The following MFN1 variants were observed in gnomAD, a reference collection of about 807,000 sequenced individuals.
MFN1 encodes mitofusin-1.
MFN1 carries 65 observed loss-of-function variants against 92.4 expected under a neutral mutation model. The ratio of observed to expected loss-of-function variants is 0.70; its 90% CI spans 0.58 to 0.86. The LOEUF (loss-of-function observed/expected upper bound fraction) is 0.86, where lower values mean the gene tolerates loss of function less well. Ranked by LOEUF, MFN1 falls within the 40% of genes least tolerant of loss-of-function variation. The probability of loss-of-function intolerance (pLI) is 0.00; values close to 1 mark genes in which losing one functional copy is unlikely to be tolerated. For missense variants in MFN1, 781 were observed against 868.0 expected (o/e 0.90, Z 1.26); for synonymous variants, 297 against 300.9 (o/e 0.99, Z 0.13).
rs1388069675 is a variant in MFN1 at position 179,352,436 on chromosome 3, ACT to A, written c.248+402_248+403del. Among the ~76,000 whole-genome samples, 41 of 152,358 alleles carry A rather than the reference ACT, an allele frequency of 2.7e-4. No individual in the cohort carries two copies. In the South Asian group the frequency reaches 8.5e-3, roughly 32 times the overall value. ...AGGAAAGAGGCTCTTGTCTGAGATA[ACT>A]ATTTCCAAGGACTTTCTAGAAATTC... On this transcript the variant is annotated intron_variant, in intron 3 of 17. Transcript: ENST00000471841.
intron 11 of MFN1, 73 bp from the exon 12 acceptor site, chr3:179,377,271 T>C: frequency 6.6e-7 from 1 of 1,524,516 alleles, no homozygotes; most frequent in Non-Finnish European, 8.9e-7. Flanking sequence ...TTTTCAGATT[T>C]TTCAATTTAA....
At chr3:179,380,079 A>G (rs1272193443) in intron 14 of MFN1, among the ~76,000 whole-genome samples, 1 of 152,228 alleles carries the variant, frequency 6.6e-6, no homozygotes, top group Non-Finnish European at 1.5e-5. Flanking sequence ...AACTGTGAGT[A>G]TTCAATAGGC....
At position 179,365,235 on chromosome 3, in the gene MFN1, T is replaced by TG; in HGVS notation, c.753+10_753+11insG. The TG allele has an allele frequency of 6.7e-7, 1 of 1,481,684 alleles. No homozygotes were observed. Among genetic ancestry groups the TG allele is most frequent in the Non-Finnish European group, 9.0e-7 (1 of 1,106,458 alleles). 91.8% of individuals were successfully genotyped at this position (1,481,684 alleles called of 1,614,324 possible). Reference sequence around the variant, plus strand: ...AGAATATATGGAAGACGTAAGTTGTTATTTTTTTTTTTGTAGGTTTTGAAA... The same window carrying TG: ...AGAATATATGGAAGACGTAAGTTGTTGATTTTTTTTTTTGTAGGTTTTGAAA... On this transcript the variant is annotated intron_variant, in intron 7 of 17. Coordinates refer to ENST00000471841, the MANE Select transcript of MFN1 (RefSeq NM_033540.3).
intron 3 of MFN1, among the ~76,000 whole-genome samples, chr3:179,353,959 C>T (rs1269316965): frequency 1.3e-5 from 2 of 152,242 alleles, no homozygotes; most frequent in African/African-American, 4.8e-5. Flanking sequence ...ATTATTCCTT[C>T]TCAGTTATTT....
At chr3:179,352,688 A>G (rs1712193495) in intron 3 of MFN1, among the ~76,000 whole-genome samples, 1 of 152,112 alleles carries the variant, frequency 6.6e-6, no homozygotes, top group Non-Finnish European at 1.5e-5. Context: ...CACTGAATGC[A>G]CTGGTATGCC....
intron 14 of MFN1, among the ~76,000 whole-genome samples, chr3:179,380,288 A>T (rs920417645): frequency 1.3e-5 from 2 of 152,222 alleles, no homozygotes; most frequent in Non-Finnish European, 2.9e-5. Flanking sequence ...AAAGACACTG[A>T]CTACAGCTGA....
In MFN1 at chr3:179,348,858, G is replaced by C. The variant is rs1461160187; in HGVS notation, c.7G>C (p.Glu3Gln). 1 of 1,609,384 alleles carries C rather than the reference G, an allele frequency of 6.2e-7. No individual in the cohort carries two copies. Among genetic ancestry groups the C allele is most frequent in the East Asian group, 2.2e-5 (1 of 44,816 alleles). Reference sequence around the variant, plus strand: ...ATCTCCCTCTAGTAGCATAATGGCAGAACCTGTTTCTCCACTGAAGCACTT... The same window carrying C: ...ATCTCCCTCTAGTAGCATAATGGCACAACCTGTTTCTCCACTGAAGCACTT... MAEPVSPLKHFVL... is the reference protein window; with the variant it reads MAQPVSPLKHFVL... Residue 3 changes from glutamate (E) to glutamine (Q), a missense_variant, in exon 2 of 18, where the codon GAA becomes CAA. Coordinates refer to ENST00000471841, the MANE Select transcript of MFN1 (RefSeq NM_033540.3).
intron 10 of MFN1, among the ~76,000 whole-genome samples, chr3:179,376,054 C>T (rs1228694859): frequency 3.3e-5 from 5 of 152,150 alleles, no homozygotes; most frequent in East Asian, 1.9e-4. Flanking sequence ...GAAACATAAA[C>T]GCATCAAAGC....
intron 5 of MFN1, among the ~76,000 whole-genome samples, chr3:179,363,006 C>T (rs1381278272): frequency 6.6e-6 from 1 of 151,900 alleles, no homozygotes; most frequent in East Asian, 1.9e-4. Context: ...GTATCTATGA[C>T]CCAGTCAGTC....
Position 179,377,165 on chromosome 3 carries a change from C to T in MFN1, c.1221C>T (p.Asn407=). 6.2e-7 allele frequency: 1 copy of T among 1,612,904 alleles called. No homozygotes were observed. Among genetic ancestry groups the T allele is most frequent in the Non-Finnish European group, 8.5e-7 (1 of 1,179,552 alleles). Residue 407 remains asparagine (N), a synonymous_variant, in exon 11 of 18, where the codon AAC becomes AAT. Coordinates refer to ENST00000471841, the MANE Select transcript of MFN1 (RefSeq NM_033540.3). ...KIKEVTEEVA[N]KVSCAMTDEI... is the part of the protein sequence containing the mutation. The stretch of plus-strand genomic sequence containing the variant: ...AGGAGGTTACCGAGGAGGTGGCAAA[C>T]AAAGTGGGTAACAGTAGCTTCATGA...
chr3:179,379,141 G>A (rs115773199), intron 14 of MFN1, among the ~76,000 whole-genome samples: 1,859 of 144,984 alleles, frequency 0.013, 35 homozygotes, highest in African/African-American at 0.043. Context: ...TCTTCTAGCT[G>A]CAATATATCT....
intron 17 of MFN1, among the ~76,000 whole-genome samples, chr3:179,391,682 A>G (rs1007836769): frequency 6.6e-6 from 1 of 152,190 alleles, no homozygotes; most frequent in Non-Finnish European, 1.5e-5. Context: ...TGGCTGCATC[A>G]AGGATGAATC....
intron 14 of MFN1, among the ~76,000 whole-genome samples, chr3:179,383,598 A>G (rs1292562950): frequency 6.6e-6 from 1 of 152,082 alleles, no homozygotes; most frequent in Admixed American, 6.5e-5. Context: ...TTTTTTTCCA[A>G]TTCTGTGAAG....
intron 4 of MFN1, among the ~76,000 whole-genome samples, 167 bp downstream of exon 4, chr3:179,359,169 G>GGA (rs1712466847): frequency 6.6e-6 from 1 of 151,778 alleles, no homozygotes; most frequent in African/African-American, 2.4e-5. Context: ...CGCCCAGGCT[G>GGA]GAGTGCAATG....
In MFN1 at chr3:179,391,990, T is replaced by C. The variant is rs1713919622; in HGVS notation, c.2157T>C (p.Ala719=). Residue 719 remains alanine, a synonymous_variant, in exon 18 of 18, where the codon GCT becomes GCC. Coordinates refer to ENST00000471841, the MANE Select transcript of MFN1 (RefSeq NM_033540.3). ...QNNSKLLRNK[A]VQLENELENF... ...TTATTTTTTTAATTAGAAATAAAGC[T>C]GTTCAACTTGAAAATGAGCTGGAGA... 4 of 1,600,074 alleles carry C rather than the reference T, an allele frequency of 2.5e-6. No homozygotes were observed. Among genetic ancestry groups the C allele is most frequent in the Non-Finnish European group, 3.4e-6 (4 of 1,167,852 alleles).
chr3:179,348,683 C>G (rs769089705), intron 1 of MFN1, 162 bp from the exon 2 acceptor site: 16 of 1,069,400 alleles, frequency 1.5e-5, no homozygotes, highest in Non-Finnish European at 1.9e-5. Flanking sequence ...AAAGTCGTCT[C>G]TAACTGTCTG....
At position 179,394,024 on chromosome 3, in the gene MFN1, T is replaced by C. The variant is rs1185598114; in HGVS notation, c.*1965T>C. Reference sequence around the variant, plus strand: ...GGCACACGCCACCATGCCTGGCTAGTTTTTGTAAAGACGAGGTTTCCCCAT... The same window carrying C: ...GGCACACGCCACCATGCCTGGCTAGCTTTTGTAAAGACGAGGTTTCCCCAT... On this transcript the variant is annotated 3_prime_UTR_variant, in exon 18 of 18. Transcript: ENST00000471841. 1 of 152,224 alleles carries C rather than the reference T, an allele frequency of 6.6e-6. No individual in the cohort carries two copies. The highest frequency in any genetic ancestry group is 1.5e-5 in the Non-Finnish European group (1 of 68,084). 9.4% of individuals were successfully genotyped at this position (152,224 alleles called of 1,614,324 possible).
chr3:179,389,973 T>A, intron 16 of MFN1, 31 bp from the exon 17 acceptor site: 9 of 1,583,968 alleles, frequency 5.7e-6, no homozygotes, highest in Non-Finnish European at 6.8e-6. Context: ...TTTGAAGACA[T>A]TTATGACTGC....
At chr3:179,362,560 A>G (rs748960636) in intron 5 of MFN1, 78 bp downstream of exon 5, 16 of 1,288,552 alleles carry the variant, frequency 1.2e-5, no homozygotes, top group Non-Finnish European at 1.7e-5. Context: ...CATATGGTAT[A>G]AAAAATTACA....
Sources: allele counts gnomAD v4.1 joint callset (sites outside exome capture counted in the v4.1 genomes callset), GRCh38; gene constraint gnomAD v4.1.1; transcripts MANE v1.5; gene names NCBI Gene and HGNC (gene_info 2026-07-23, HGNC 2026-07-21).